TIAM1: variants seen among roughly 807,000 people sequenced by gnomAD.
The protein encoded by TIAM1 is rho guanine nucleotide exchange factor TIAM1.
Under a neutral mutation model 163.5 loss-of-function variants are expected in TIAM1, and 65 were observed. The observed-to-expected ratio is 0.40, with a 90% CI of 0.33 to 0.49. TIAM1 has a LOEUF of 0.49. TIAM1 is among the 20% of genes least tolerant of loss of function. The probability of loss-of-function intolerance (pLI) is 0.77; values close to 1 mark genes in which losing one functional copy is unlikely to be tolerated. For synonymous variants in TIAM1, 833 were observed against 810.1 expected (o/e 1.03, Z -0.48); for missense variants, 1,789 against 2,044.7 (o/e 0.87, Z 2.41).
chr21:31,273,114 AGGATGCC>A (rs1255705784), intron 3 of TIAM1, among the ~76,000 whole-genome samples: 1 of 152,198 alleles, frequency 6.6e-6, no homozygotes, highest in Non-Finnish European at 1.5e-5. Context: ...TCAAAACCTG[AGGATGCC>A]ACCCATTTAA....
At chr21:31,501,653 A>G (rs2046853617) in intron 1 of TIAM1, among the ~76,000 whole-genome samples, 1 of 152,060 alleles carries the variant, frequency 6.6e-6, no homozygotes, top group East Asian at 1.9e-4. Context: ...CCCAGGCTGG[A>G]GTGCAGTGGC....
chr21:31,348,460 G>A (rs147812512), upstream of TIAM1, among the ~76,000 whole-genome samples: 16 of 152,320 alleles, frequency 1.1e-4, no homozygotes, highest in East Asian at 2.7e-3. Flanking sequence ...TGTCAACACC[G>A]TCAAATTACC....
chr21:31,396,591 AATATT>A (rs2077074186), intron 2 of TIAM1, among the ~76,000 whole-genome samples: 1 of 148,584 alleles, frequency 6.7e-6, no homozygotes, highest in East Asian at 1.9e-4. Context: ...AATAATATGA[AATATT>A]ATATAATATC....
chr21:31,409,645 C>T (rs2077311021), intron 2 of TIAM1, among the ~76,000 whole-genome samples: 4 of 152,224 alleles, frequency 2.6e-5, no homozygotes, highest in African/African-American at 9.6e-5. Context: ...ACCACAGGCC[C>T]GCTTCCCTTG....
chr21:31,465,559 A>G (rs1193702608), intron 1 of TIAM1, among the ~76,000 whole-genome samples: 1 of 150,182 alleles, frequency 6.7e-6, no homozygotes, highest in African/African-American at 2.4e-5. Flanking sequence ...GGCCCCTGGC[A>G]GTGAGTAGTG....
At chr21:31,423,866 GGGGGGGGT>G (rs2043684372) in intron 2 of TIAM1, among the ~76,000 whole-genome samples, 2 of 121,802 alleles carry the variant, frequency 1.6e-5, no homozygotes, top group African/African-American at 7.1e-5. Flanking sequence ...GGGGGGGCGG[GGGGGGGGT>G]CAAGGGAGTT....
chr21:31,367,400 C>G (rs577360766), intron 2 of TIAM1, among the ~76,000 whole-genome samples: 11 of 152,310 alleles, frequency 7.2e-5, no homozygotes, highest in African/African-American at 2.6e-4. Flanking sequence ...AGTACCCAGA[C>G]CAACAGGCCG....
chr21:31,519,929 G>A (rs949606627), intron 1 of TIAM1, among the ~76,000 whole-genome samples: 5 of 96,586 alleles, frequency 5.2e-5, no homozygotes, highest in African/African-American at 1.7e-4. Flanking sequence ...GAATGGGTAC[G>A]GAGTTTCGGA....
At chr21:31,375,658 G>A (rs2076670865) in intron 2 of TIAM1, among the ~76,000 whole-genome samples, 1 of 152,014 alleles carries the variant, frequency 6.6e-6, no homozygotes, top group African/African-American at 2.4e-5. Flanking sequence ...TACATCCTGT[G>A]CCACCAAAAA....
chr21:31,476,433 T>C (rs1180352770), intron 1 of TIAM1, among the ~76,000 whole-genome samples: 2 of 152,194 alleles, frequency 1.3e-5, no homozygotes, highest in African/African-American at 2.4e-5. Context: ...CTGCACTGCA[T>C]TGGTAATTCT....
At chr21:31,496,874 G>A (rs1439869771) in intron 1 of TIAM1, among the ~76,000 whole-genome samples, 1 of 152,078 alleles carries the variant, frequency 6.6e-6, no homozygotes, top group Non-Finnish European at 1.5e-5. Context: ...GGGGGTCGGG[G>A]AGGATGGTTT....
chr21:31,120,633 A>G lies in TIAM1; in HGVS notation c.4511T>C (p.Ile1504Thr), dbSNP rs750023874. 2 of 1,614,092 alleles carry G rather than the reference A, an allele frequency of 1.2e-6. No individual in the cohort carries two copies. Among genetic ancestry groups the G allele is most frequent in the African/African-American group, 2.7e-5 (2 of 75,006 alleles). ...ACAGAACTCATCATCGTCACTGAGGATGTCTGTCTCCTTGATGTCATCTTG... is the reference window on the plus strand; with the variant it reads ...ACAGAACTCATCATCGTCACTGAGGGTGTCTGTCTCCTTGATGTCATCTTG... ...EEQDDIKETD[I>T]LSDDDEFCES... is the part of the protein sequence containing the mutation. The change falls in exon 28 of 28, where the codon ATC (isoleucine) becomes ACC (threonine). Residue 1504 changes from isoleucine (I) to threonine (T), a missense_variant. Transcript: ENST00000541036. This position sits in a 1 kb window ranked among gnomAD's most constrained non-coding sequence, Gnocchi z 4.2.
At chr21:31,418,970 T>A (rs557579642) in intron 2 of TIAM1, among the ~76,000 whole-genome samples, 2 of 152,140 alleles carry the variant, frequency 1.3e-5, no homozygotes, top group South Asian at 4.2e-4. Context: ...TAATCCTAGG[T>A]TGAAGATGTG....
At chr21:31,495,746 G>A (rs1023147019) in intron 1 of TIAM1, among the ~76,000 whole-genome samples, 5 of 152,178 alleles carry the variant, frequency 3.3e-5, no homozygotes, top group Admixed American at 2.0e-4. Flanking sequence ...AAGGCGGGGC[G>A]GGGGGATCAC....
intron 6 of TIAM1, among the ~76,000 whole-genome samples, chr21:31,226,314 T>G (rs1390343528): frequency 1.3e-5 from 2 of 152,144 alleles, no homozygotes; most frequent in African/African-American, 2.4e-5. Context: ...ATCGGTCAGT[T>G]ATAGGACATG....
intron 2 of TIAM1, among the ~76,000 whole-genome samples, chr21:31,296,075 A>C (rs1256536976): frequency 6.6e-6 from 1 of 152,202 alleles, no homozygotes; most frequent in African/African-American, 2.4e-5. Flanking sequence ...TTGGGATTAC[A>C]GGCGTGAGCC....
intron 2 of TIAM1, among the ~76,000 whole-genome samples, chr21:31,313,605 T>C (rs1445931470): frequency 6.6e-6 from 1 of 152,200 alleles, no homozygotes; most frequent in Non-Finnish European, 1.5e-5. Flanking sequence ...GAGACAGTCT[T>C]GCTCTGTTGC....
intron 13 of TIAM1, among the ~76,000 whole-genome samples, chr21:31,194,355 A>AC (rs892736828): frequency 6.6e-6 from 1 of 151,656 alleles, no homozygotes; most frequent in Non-Finnish European, 1.5e-5. Flanking sequence ...GGTCTTGGGG[A>AC]CCCCCCTACA....
intron 16 of TIAM1, among the ~76,000 whole-genome samples, chr21:31,159,194 T>C (rs1400127609): frequency 6.6e-6 from 1 of 152,100 alleles, no homozygotes; most frequent in African/African-American, 2.4e-5. Context: ...GCAGAGCTTT[T>C]CCACTGTCAG....
Sources: allele counts gnomAD v4.1 joint callset (sites outside exome capture counted in the v4.1 genomes callset), GRCh38; gene constraint gnomAD v4.1.1; non-coding constraint Gnocchi (gnomAD v3.1); transcripts MANE v1.5; gene names NCBI Gene and HGNC (gene_info 2026-07-23, HGNC 2026-07-21).